PTPRK: variants seen among roughly 807,000 people sequenced by gnomAD.
The protein encoded by PTPRK is receptor-type tyrosine-protein phosphatase kappa.
A neutral mutation model predicts 178.0 loss-of-function variants in PTPRK; 75 were observed. That is an observed-to-expected ratio of 0.42 (90% CI 0.35 to 0.51). PTPRK has a LOEUF of 0.51. Ranked by LOEUF, PTPRK falls within the 20% of genes least tolerant of loss-of-function variation. The pLI is 0.02. For missense variants in PTPRK, 1,441 were observed against 1,797.8 expected, an observed-to-expected ratio of 0.80 and a Z score of 3.59; for synonymous variants, 637 against 620.6, an observed-to-expected ratio of 1.03 and a Z score of -0.39.
intron 2 of PTPRK, among the ~76,000 whole-genome samples, chr6:128,330,719 T>C (rs2128325466): frequency 6.6e-6 from 1 of 152,234 alleles, no homozygotes; most frequent in Admixed American, 6.5e-5. Flanking sequence ...GCATTGAGAA[T>C]AAAATCCAAA....
chr6:128,295,552 G>T (rs1265574636), intron 3 of PTPRK, among the ~76,000 whole-genome samples: 1 of 152,008 alleles, frequency 6.6e-6, no homozygotes, highest in Non-Finnish European at 1.5e-5. Context: ...TTTAAGTGGG[G>T]GAAACTGAGC....
At chr6:128,431,310 A>C (rs1228442534) in intron 1 of PTPRK, among the ~76,000 whole-genome samples, 1 of 152,154 alleles carries the variant, frequency 6.6e-6, no homozygotes, top group African/African-American at 2.4e-5. Flanking sequence ...GTTCTTCATA[A>C]ATTTTAAATA....
intron 1 of PTPRK, among the ~76,000 whole-genome samples, chr6:128,445,197 T>TATTTATATATATATATATATATA (rs56739735): frequency 7.9e-6 from 1 of 126,664 alleles, no homozygotes; most frequent in Non-Finnish European, 1.7e-5. Flanking sequence ...TCTACTATTT[T>TATTTATATATATATATATATATA]ATTTATATAT....
chr6:128,307,072 T>C (rs1308514528), intron 3 of PTPRK, among the ~76,000 whole-genome samples: 1 of 151,438 alleles, frequency 6.6e-6, no homozygotes, highest in East Asian at 1.9e-4. Context: ...ACTGGTTCCA[T>C]TTTAGATATA....
chr6:128,316,801 T>A (rs1020102734), intron 3 of PTPRK, among the ~76,000 whole-genome samples: 3 of 148,586 alleles, frequency 2.0e-5, no homozygotes, highest in East Asian at 4.0e-4. Context: ...CACTGCAACC[T>A]CCGCCTCCTG....
At chr6:128,512,046 C>A (rs1412238241) in intron 1 of PTPRK, among the ~76,000 whole-genome samples, 1 of 151,998 alleles carries the variant, frequency 6.6e-6, no homozygotes, top group African/African-American at 2.4e-5. Context: ...AAAAGCAGTA[C>A]TAGTAAAAAA....
In PTPRK at chr6:127,995,947, C is replaced by T. The variant is rs1777101546; in HGVS notation, c.2768-409G>A. 2.0e-5 allele frequency among the ~76,000 whole-genome samples: 3 copies of T among 152,226 alleles called. 1 individual carries two copies. The South Asian group carries it at 6.2e-4, about 32-fold the overall frequency. ...AAAAAGTGAATTTTGAATTCCCGCT[C>T]TCAGTTTCTTACTCCCTGAGAATCA... On this transcript the variant is annotated intron_variant, in intron 17 of 29. Coordinates refer to ENST00000368226, the MANE Select transcript of PTPRK (RefSeq NM_002844.4).
At chr6:128,465,221 A>G (rs541676456) in intron 1 of PTPRK, among the ~76,000 whole-genome samples, 3 of 152,194 alleles carry the variant, frequency 2.0e-5, no homozygotes, top group Non-Finnish European at 4.4e-5. Flanking sequence ...AAATCATGAA[A>G]TAAAATGAAA....
chr6:128,129,158 C>G (rs184226117), intron 7 of PTPRK, among the ~76,000 whole-genome samples: 2 of 152,262 alleles, frequency 1.3e-5, no homozygotes, highest in African/African-American at 4.8e-5. Flanking sequence ...TTTAAGTTGG[C>G]TTGTAATTCT....
intron 10 of PTPRK, among the ~76,000 whole-genome samples, chr6:128,080,714 T>G (rs1020131896): frequency 5.9e-5 from 9 of 152,056 alleles, no homozygotes; most frequent in Non-Finnish European, 1.0e-4. Flanking sequence ...TTTTAAATGC[T>G]GAGAAATGTA....
At chr6:128,237,996 T>C (rs1003387846) in intron 5 of PTPRK, 4 of 443,642 alleles carry the variant, frequency 9.0e-6, no homozygotes, top group Non-Finnish European at 1.3e-5. Flanking sequence ...TTAATAGATT[T>C]CAATATTTCT....
intron 15 of PTPRK, chr6:128,004,860 T>A (rs1247307510): frequency 2.1e-6 from 1 of 476,816 alleles, no homozygotes; most frequent in Non-Finnish European, 3.7e-6. Context: ...TCCCTTGTGA[T>A]ACAGTAATAA....
chr6:128,044,878 T>C (rs1777797395), intron 13 of PTPRK, among the ~76,000 whole-genome samples: 2 of 152,066 alleles, frequency 1.3e-5, no homozygotes, highest in Non-Finnish European at 2.9e-5. Context: ...TTTCCCCATC[T>C]GAAATATAAG....
At chr6:128,424,737 CA>C (rs1843903515) in intron 1 of PTPRK, among the ~76,000 whole-genome samples, 1 of 152,172 alleles carries the variant, frequency 6.6e-6, no homozygotes, top group Non-Finnish European at 1.5e-5. Context: ...TGCTTTACCT[CA>C]AAAACATCCT....
chr6:128,520,233 G>A (rs566138262), intron 1 of PTPRK, 26 bp downstream of exon 1: 3 of 1,557,690 alleles, frequency 1.9e-6, no homozygotes, highest in Admixed American at 1.9e-5. Context: ...CCAGGCGTTC[G>A]TCGGGGACGC....
intron 13 of PTPRK, among the ~76,000 whole-genome samples, chr6:128,061,677 G>C (rs1209000375): frequency 3.9e-5 from 6 of 152,114 alleles, no homozygotes; most frequent in Admixed American, 3.9e-4. Context: ...TTCCTGGGCA[G>C]GGTTGTCCTT....
At chr6:127,992,020 T>C (rs1776667213) in intron 19 of PTPRK, among the ~76,000 whole-genome samples, 1 of 151,788 alleles carries the variant, frequency 6.6e-6, no homozygotes, top group African/African-American at 2.4e-5. Context: ...AGAGTAAACC[T>C]AGCTTTTGTT....
chr6:128,462,200 T>C (rs932829477), intron 1 of PTPRK, among the ~76,000 whole-genome samples: 9 of 152,098 alleles, frequency 5.9e-5, no homozygotes, highest in African/African-American at 2.2e-4. Context: ...GGCAAAAAGG[T>C]GTCTTAAGAG....
chr6:128,251,572 A>G (rs182405134), intron 3 of PTPRK, among the ~76,000 whole-genome samples: 1 of 152,288 alleles, frequency 6.6e-6, no homozygotes, highest in East Asian at 1.9e-4. Context: ...CTAAATACCA[A>G]CATTCTCTTA....
Sources: gnomAD v4.1 joint callset for allele counts (sites outside exome capture counted in the v4.1 genomes callset) on GRCh38, gnomAD v4.1.1 for gene constraint, MANE v1.5 for transcripts, NCBI Gene and HGNC (gene_info 2026-07-23, HGNC 2026-07-21) for gene names.